ROBO2: variants seen among roughly 807,000 people sequenced by gnomAD.
ROBO2 encodes roundabout guidance receptor 2, also known as roundabout homolog 2.
A neutral mutation model predicts 160.8 loss-of-function variants in ROBO2; 53 were observed. That is an observed-to-expected ratio of 0.33 (90% CI 0.26 to 0.41). ROBO2 has a LOEUF of 0.41. Ranked by LOEUF, ROBO2 falls within the 10% of genes least tolerant of loss-of-function variation. The pLI, the probability that ROBO2 is intolerant of heterozygous loss-of-function variation, is 1.00. For missense variants in ROBO2, 1,577 were observed against 1,722.4 expected, an observed-to-expected ratio of 0.92 and a Z score of 1.49; for synonymous variants, 664 against 611.7, an observed-to-expected ratio of 1.09 and a Z score of -1.26.
At chr3:76,216,585 G>C (rs1300340099) in intron 2 of ROBO2, among the ~76,000 whole-genome samples, 1 of 152,170 alleles carries the variant, frequency 6.6e-6, no homozygotes, top group South Asian at 2.1e-4. Context: ...AATGGTAAAG[G>C]GATCAATTCA....
intron 2 of ROBO2, among the ~76,000 whole-genome samples, chr3:75,985,107 A>G (rs547721982): frequency 5.3e-5 from 8 of 151,448 alleles, no homozygotes; most frequent in East Asian, 1.9e-4. Flanking sequence ...AAAAATTGTT[A>G]TTCTTCATGT....
chr3:76,422,544 C>T (rs924549300), intron 2 of ROBO2, among the ~76,000 whole-genome samples: 4 of 152,186 alleles, frequency 2.6e-5, no homozygotes, highest in East Asian at 1.9e-4. Context: ...GTCACTGGGG[C>T]GCCATTTAGT....
At chr3:77,249,112 A>G (rs1338299107) in intron 2 of ROBO2, among the ~76,000 whole-genome samples, 1 of 152,004 alleles carries the variant, frequency 6.6e-6, no homozygotes. Flanking sequence ...TCTGCTCCCA[A>G]AGTTCTGGGA....
At chr3:77,339,597 T>G (rs1488478386) in intron 2 of ROBO2, among the ~76,000 whole-genome samples, 3 of 152,032 alleles carry the variant, frequency 2.0e-5, no homozygotes, top group African/African-American at 7.2e-5. Flanking sequence ...GAAAAGTTGT[T>G]TTGTTTGGTT....
At chr3:76,611,045 G>T (rs116055583) in intron 2 of ROBO2, among the ~76,000 whole-genome samples, 1,746 of 152,242 alleles carry the variant, frequency 0.011, 35 homozygotes, top group African/African-American at 0.039. Flanking sequence ...GACTTAGAAC[G>T]GTGGAGTGTG....
intron 2 of ROBO2, among the ~76,000 whole-genome samples, chr3:77,141,521 T>G (rs1579334894): frequency 6.6e-6 from 1 of 152,316 alleles, no homozygotes; most frequent in East Asian, 1.9e-4. Flanking sequence ...GTTTTCTCAC[T>G]TTTCTTACAT....
intron 2 of ROBO2, among the ~76,000 whole-genome samples, chr3:77,407,925 T>G (rs1316961314): frequency 6.6e-6 from 1 of 152,192 alleles, no homozygotes; most frequent in Non-Finnish European, 1.5e-5. Context: ...TCACTTTACG[T>G]GTTACTAACA....
intron 2 of ROBO2, among the ~76,000 whole-genome samples, chr3:76,007,512 G>A (rs1422061041): frequency 1.3e-5 from 2 of 151,858 alleles, no homozygotes; most frequent in Admixed American, 6.6e-5. Flanking sequence ...TAGATAAAAA[G>A]CAGGTATTTT....
intron 2 of ROBO2, among the ~76,000 whole-genome samples, chr3:76,127,667 A>T (rs924889065): frequency 3.3e-5 from 5 of 151,892 alleles, no homozygotes; most frequent in African/African-American, 1.2e-4. Context: ...CCAATCTGTG[A>T]ATTATCTCAT....
intron 2 of ROBO2, among the ~76,000 whole-genome samples, chr3:76,094,235 G>A (rs2069350412): frequency 6.6e-6 from 1 of 152,110 alleles, no homozygotes; most frequent in South Asian, 2.1e-4. Flanking sequence ...AATCAATTCT[G>A]TGTGCCTGCC....
intron 2 of ROBO2, among the ~76,000 whole-genome samples, chr3:77,006,418 A>G (rs1263187860): frequency 1.3e-5 from 2 of 151,802 alleles, no homozygotes; most frequent in Non-Finnish European, 2.9e-5. Context: ...AACTAAAGGA[A>G]AGATAATAGA....
chr3:76,790,916 A>T (rs1402791036), intron 2 of ROBO2, among the ~76,000 whole-genome samples: 1 of 151,564 alleles, frequency 6.6e-6, no homozygotes, highest in African/African-American at 2.4e-5. Context: ...AAATTTCTTT[A>T]TTTTCTTCTT....
At chr3:77,548,224 T>G in intron 7 of ROBO2, among the ~76,000 whole-genome samples, 1 of 152,058 alleles carries the variant, frequency 6.6e-6, no homozygotes, top group South Asian at 2.1e-4. Context: ...ATTGTACAAC[T>G]TTTGTAGTGC....
At chr3:76,822,271 A>G (rs2066187488) in intron 2 of ROBO2, among the ~76,000 whole-genome samples, 1 of 151,988 alleles carries the variant, frequency 6.6e-6, no homozygotes, top group Non-Finnish European at 1.5e-5. Flanking sequence ...TAGTTTATTG[A>G]TAAATTCCTG....
chr3:76,978,028 CA>C (rs1377614414), intron 2 of ROBO2, among the ~76,000 whole-genome samples: 1 of 152,160 alleles, frequency 6.6e-6, no homozygotes, highest in Non-Finnish European at 1.5e-5. Context: ...ATTCCAAACT[CA>C]GCATTCTTCT....
intron 1 of ROBO2, among the ~76,000 whole-genome samples, chr3:77,049,748 A>T (rs1235689826): frequency 6.6e-6 from 1 of 152,184 alleles, no homozygotes; most frequent in Non-Finnish European, 1.5e-5. Flanking sequence ...TTTGGTTCCA[A>T]GCTTTTTGGA....
chr3:76,191,874 C>G (rs966027966), intron 2 of ROBO2, among the ~76,000 whole-genome samples: 7 of 152,016 alleles, frequency 4.6e-5, no homozygotes, highest in Non-Finnish European at 1.5e-5. Context: ...ATGTGATAGT[C>G]TGTCATTCCA....
intron 2 of ROBO2, among the ~76,000 whole-genome samples, chr3:77,354,471 A>AGT (rs1304163188): frequency 6.6e-6 from 1 of 152,190 alleles, no homozygotes; most frequent in African/African-American, 2.4e-5. Flanking sequence ...CTGGAAAAAG[A>AGT]GTGTAAACAA....
chr3:76,119,870 T>G (rs2108281073), intron 2 of ROBO2, among the ~76,000 whole-genome samples: 1 of 134,796 alleles, frequency 7.4e-6, no homozygotes, highest in African/African-American at 2.9e-5. Flanking sequence ...CTCCCTCCCC[T>G]TCCTTCCCTT....
Sources: allele counts gnomAD v4.1 joint callset (sites outside exome capture counted in the v4.1 genomes callset), GRCh38; gene constraint gnomAD v4.1.1; transcripts MANE v1.5; gene names NCBI Gene and HGNC (gene_info 2026-07-23, HGNC 2026-07-21).